CCT5: variants seen among roughly 807,000 people sequenced by gnomAD.
The protein encoded by CCT5 is T-complex protein 1 subunit epsilon.
In CCT5, 6 loss-of-function variants were observed where a neutral mutation model predicts 55.0. The ratio of observed to expected loss-of-function variants is 0.11; its 90% CI spans 0.06 to 0.22. CCT5 has a LOEUF of 0.22. Ranked by LOEUF, CCT5 falls within the 10% of genes least tolerant of loss-of-function variation. The pLI is 1.00. For synonymous variants in CCT5, 231 were observed against 243.7 expected, an observed-to-expected ratio of 0.95 and a Z score of 0.49; for missense variants, 560 against 694.6, an observed-to-expected ratio of 0.81 and a Z score of 2.18.
At chr5:10,253,516 A>G (rs1745531956) in intron 1 of CCT5, among the ~76,000 whole-genome samples, 1 of 152,146 alleles carries the variant, frequency 6.6e-6, no homozygotes, top group African/African-American at 2.4e-5. Context: ...CCTCCCAAGT[A>G]GGGGGGGTTG....
In CCT5 at chr5:10,264,778, G is replaced by A; in HGVS notation, c.1621G>A (p.Glu541Lys). Residue 541 changes from glutamate to lysine, a missense_variant, in exon 11 of 11, where the codon GAA (glutamate) becomes AAA (lysine). By Grantham distance (56) the Glu-to-Lys change is moderately conservative. Coordinates refer to ENST00000280326, the MANE Select transcript of CCT5 (RefSeq NM_012073.5). ...DDIRKPGESE[E>K] ...CATTCGTAAGCCTGGAGAATCTGAA[G>A]AATGAAGACATTGAGAAAACTATGT... is the stretch of plus-strand genomic sequence containing the variant. The A allele has an allele frequency of 1.2e-6, 2 of 1,611,156 alleles. No individual in the cohort carries two copies. Among genetic ancestry groups the A allele is most frequent in the Non-Finnish European group, 1.7e-6 (2 of 1,177,252 alleles).
At chr5:10,252,303 C>T (rs949948346) in intron 1 of CCT5, among the ~76,000 whole-genome samples, 1 of 152,070 alleles carries the variant, frequency 6.6e-6, no homozygotes, top group Non-Finnish European at 1.5e-5. Flanking sequence ...TTGAAGGCAA[C>T]GGTAAAAGAA....
At chr5:10,250,065 C>A (rs1346644481), upstream of CCT5, 7 of 1,539,514 alleles carry the variant, frequency 4.5e-6, no homozygotes, top group African/African-American at 2.7e-5. Context: ...TAAAAAATGA[C>A]AAATTCAATC....
intron 3 of CCT5, among the ~76,000 whole-genome samples, chr5:10,255,506 G>T (rs1353046868): frequency 2.0e-5 from 3 of 151,730 alleles, no homozygotes; most frequent in African/African-American, 7.3e-5. Flanking sequence ...ACTGTTCTCG[G>T]TGCGCTTGGA....
chr5:10,261,091 G>A, intron 7 of CCT5, 180 bp downstream of exon 7: 1 of 711,256 alleles, frequency 1.4e-6, no homozygotes, highest in Non-Finnish European at 2.5e-6. Flanking sequence ...ACAGTGCTGT[G>A]TGTTTCTGGT....
rs1298808872 is a variant in CCT5 at position 10,254,305 on chromosome 5, TCTTA to T, written c.166+104_166+107del. On this transcript the variant is annotated intron_variant, in intron 2 of 10. Transcript: ENST00000280326. Reference sequence around the variant, plus strand: ...AAAGGTGGAGTATTGAGGGGAGGCATCTTACTTCCTTAACACAGCCAAAATTTTT... The same window carrying T: ...AAAGGTGGAGTATTGAGGGGAGGCATCTTCCTTAACACAGCCAAAATTTTT... 4.8e-5 allele frequency: 43 copies of T among 888,082 alleles called. No individual in the cohort carries two copies. The African/African-American group carries it at 5.1e-4, about 11-fold the overall frequency. 55.0% of individuals were successfully genotyped at this position (888,082 alleles called of 1,614,324 possible). A position where few individuals can be genotyped will look rare whatever the true frequency, so the allele number is the denominator to read the frequency against.
At chr5:10,261,076 G>A in intron 7 of CCT5, 165 bp downstream of exon 7, 2 of 766,644 alleles carry the variant, frequency 2.6e-6, no homozygotes, top group Non-Finnish European at 4.7e-6. Context: ...GTTACTGTTT[G>A]GATAACAGTG....
chr5:10,254,081 A>G, intron 1 of CCT5, 64 bp from the exon 2 acceptor site: 1 of 1,055,490 alleles, frequency 9.5e-7, no homozygotes, highest in Non-Finnish European at 1.5e-6. Flanking sequence ...TAGTCATCAG[A>G]TGTGTGCTTT....
intron 10 of CCT5, 129 bp downstream of exon 10, chr5:10,263,443 T>G: frequency 1.2e-6 from 1 of 835,334 alleles, no homozygotes; most frequent in Non-Finnish European, 1.9e-6. Flanking sequence ...GGTGTTCAAG[T>G]CCTGAATTTT....
At chr5:10,249,921 AAAAAAAAAAAAAACC>A, upstream of CCT5, 4 of 1,437,274 alleles carry the variant, frequency 2.8e-6, no homozygotes, top group African/African-American at 1.5e-5. Context: ...AAAAAAAAAA[AAAAAAAAAAAAAACC>A]GGAAATGGGT....
chr5:10,264,606 T>C (rs780844545), intron 10 of CCT5, 50 bp from the exon 11 acceptor site: 1 of 1,180,048 alleles, frequency 8.5e-7, no homozygotes. Flanking sequence ...TGGTTATTGA[T>C]AGTTTATTGT....
chr5:10,258,584 A>G lies in CCT5; in HGVS notation c.873+49A>G, dbSNP rs745409260. 1.3e-5 allele frequency: 20 copies of G among 1,542,394 alleles called. No individual in the cohort carries two copies. In the South Asian group the frequency reaches 1.7e-4, roughly 13 times the overall value. On this transcript the variant is annotated intron_variant, in intron 6 of 10. Coordinates refer to ENST00000280326, the MANE Select transcript of CCT5 (RefSeq NM_012073.5). ...TGGAATTTAAACTCCCAAAGGGTAC[A>G]GTTAGTTAGGTTTGGTTAGTAAATA... is the stretch of plus-strand genomic sequence containing the variant.
chr5:10,258,595 T>C (rs1745797580), intron 6 of CCT5, 60 bp downstream of exon 6: 2 of 1,487,304 alleles, frequency 1.3e-6, no homozygotes, highest in African/African-American at 2.8e-5. Context: ...GTTAGTTAGG[T>C]TTGGTTAGTA....
chr5:10,257,396 C>T (rs1372094776), intron 4 of CCT5, among the ~76,000 whole-genome samples: 2 of 152,200 alleles, frequency 1.3e-5, no homozygotes, highest in Non-Finnish European at 2.9e-5. Flanking sequence ...TTTCTTGTTG[C>T]TTTATAAGTT....
chr5:10,258,255 T>C lies in CCT5; in HGVS notation c.675T>C (p.Ile225=), dbSNP rs758504808. Residue 225 remains isoleucine (I), a synonymous_variant, in exon 5 of 11, where the codon ATT becomes ATC. Coordinates refer to ENST00000280326, the MANE Select transcript of CCT5 (RefSeq NM_012073.5). ...VGGRLEDTKL[I]KGVIVDKDFS... ...GCAGGCTGGAGGACACTAAACTGAT[T>C]AAGGGCGTGATTGTGGACAAGGATT... 2.5e-6 allele frequency: 4 copies of C among 1,614,202 alleles called. No homozygotes were observed. Among genetic ancestry groups the C allele is most frequent in the Non-Finnish European group, 3.4e-6 (4 of 1,180,040 alleles).
chr5:10,254,056 C>G, intron 1 of CCT5, 89 bp from the exon 2 acceptor site: 1 of 863,900 alleles, frequency 1.2e-6, no homozygotes, highest in Non-Finnish European at 2.0e-6. Flanking sequence ...GAAACTAAGT[C>G]ATAAGTGATT....
At chr5:10,260,681 G>A in intron 6 of CCT5, 111 bp from the exon 7 acceptor site, 3 of 1,143,068 alleles carry the variant, frequency 2.6e-6, no homozygotes, top group Non-Finnish European at 2.6e-6. Flanking sequence ...TTGCTTTTGT[G>A]TTTGAGTGCA....
rs115855105 is a variant in CCT5, at chr5:10,263,079, C to T, written c.1318-55C>T. On this transcript the variant is annotated intron_variant, in intron 9 of 10. Coordinates refer to ENST00000280326, the MANE Select transcript of CCT5 (RefSeq NM_012073.5). ...TGATACAGTTGTGTTTTCACGGTGC[C>T]GCTGGGTTGTTTTGTTTCGCCAAGT... The T allele has an allele frequency of 1.9e-3, 2,720 of 1,456,578 alleles. 41 individuals carry two copies. In the African/African-American group the frequency reaches 0.034, roughly 18 times the overall value. The allele number at this position is 1,456,578 out of a possible 1,614,324, so 90.2% of individuals were successfully genotyped here. A position where few individuals can be genotyped will look rare whatever the true frequency, so the allele number is the denominator to read the frequency against.
chr5:10,263,027 C>T (rs1290451485), intron 9 of CCT5, 107 bp from the exon 10 acceptor site: 1 of 916,666 alleles, frequency 1.1e-6, no homozygotes, highest in Non-Finnish European at 1.8e-6. Flanking sequence ...TCTTACAATT[C>T]TTTGTGAGCT....
Sources: gnomAD v4.1 joint callset for allele counts (sites outside exome capture counted in the v4.1 genomes callset) on GRCh38, gnomAD v4.1.1 for gene constraint, MANE v1.5 for transcripts, NCBI Gene and HGNC (gene_info 2026-07-23, HGNC 2026-07-21) for gene names.